Variants in IQCM observed in about 807,000 individuals in gnomAD.
IQCM encodes the protein IQ motif containing M.
IQCM carries 45 observed loss-of-function variants against 57.6 expected under a neutral mutation model. That is an observed-to-expected ratio of 0.78 (90% CI 0.62 to 1.00). IQCM has a LOEUF of 1.00. Among genes scored for constraint, IQCM ranks in the 50% least tolerant of loss-of-function variants. The probability of loss-of-function intolerance (pLI) is 0.00; values close to 1 mark genes in which losing one functional copy is unlikely to be tolerated. For synonymous variants in IQCM, 148 were observed against 158.9 expected, an observed-to-expected ratio of 0.93 and a Z score of 0.51; for missense variants, 468 against 511.6, an observed-to-expected ratio of 0.91 and a Z score of 0.82.
At chr4:149,509,347 A>G (rs1266139709) in intron 12 of IQCM, among the ~76,000 whole-genome samples, 1 of 151,930 alleles carries the variant, frequency 6.6e-6, no homozygotes, top group Non-Finnish European at 1.5e-5. Context: ...ACACAACCAT[A>G]GCTCACTGCA....
chr4:149,456,842 A>G (rs1193689400), intron 12 of IQCM, among the ~76,000 whole-genome samples: 1 of 152,092 alleles, frequency 6.6e-6, no homozygotes, highest in African/African-American at 2.4e-5. Flanking sequence ...TTGGATTAGA[A>G]TGTCCTGAAC....
At chr4:149,634,073 G>GA (rs767646149) in intron 7 of IQCM, among the ~76,000 whole-genome samples, 1 of 151,936 alleles carries the variant, frequency 6.6e-6, no homozygotes, top group Non-Finnish European at 1.5e-5. Flanking sequence ...GCAGTAGCAT[G>GA]ATCTCGGCTC....
intron 9 of IQCM, among the ~76,000 whole-genome samples, chr4:149,581,662 C>A (rs1752194340): frequency 6.6e-6 from 1 of 151,642 alleles, no homozygotes; most frequent in African/African-American, 2.4e-5. Flanking sequence ...ATGAGTTGAT[C>A]TACAGGGTCT....
chr4:149,707,720 G>A (rs1424122046), intron 5 of IQCM, among the ~76,000 whole-genome samples: 1 of 151,910 alleles, frequency 6.6e-6, no homozygotes, highest in Non-Finnish European at 1.5e-5. Flanking sequence ...TGTACTATAA[G>A]TAATAATGTT....
chr4:149,754,213 C>A (rs919794525), intron 2 of IQCM, among the ~76,000 whole-genome samples: 3 of 152,166 alleles, frequency 2.0e-5, no homozygotes, highest in African/African-American at 7.2e-5. Context: ...CCTTACAGGG[C>A]AGTCCAATAT....
intron 10 of IQCM, 96 bp from the exon 11 acceptor site, chr4:149,553,383 T>G (rs528286284): frequency 2.0e-6 from 2 of 991,232 alleles, no homozygotes; most frequent in East Asian, 6.6e-5. Context: ...GTTTCTAAGA[T>G]TATGGGTGTA....
At chr4:149,540,320 C>T (rs1747725288) in intron 12 of IQCM, among the ~76,000 whole-genome samples, 1 of 149,624 alleles carries the variant, frequency 6.7e-6, no homozygotes, top group Non-Finnish European at 1.5e-5. Flanking sequence ...TTGCAATGAA[C>T]TAACTACCAG....
At chr4:149,529,886 C>T (rs1290310005) in intron 12 of IQCM, among the ~76,000 whole-genome samples, 2 of 152,134 alleles carry the variant, frequency 1.3e-5, no homozygotes, top group Non-Finnish European at 2.9e-5. Context: ...CAATAAAATC[C>T]AAAGTATTTA....
chr4:149,670,946 T>TC (rs944533662), intron 7 of IQCM, among the ~76,000 whole-genome samples: 1 of 151,822 alleles, frequency 6.6e-6, no homozygotes, highest in African/African-American at 2.4e-5. Context: ...CTCTCTTTTT[T>TC]TTTTTTTTGT....
At chr4:149,664,857 A>G (rs1252887739) in intron 7 of IQCM, among the ~76,000 whole-genome samples, 1 of 152,134 alleles carries the variant, frequency 6.6e-6, no homozygotes, top group Non-Finnish European at 1.5e-5. Context: ...AGCTGGACAT[A>G]GGCATACACA....
intron 7 of IQCM, among the ~76,000 whole-genome samples, chr4:149,633,188 A>AAAAAAAAAAAAAC: frequency 6.6e-6 from 1 of 150,404 alleles, no homozygotes; most frequent in African/African-American, 2.4e-5. Context: ...AAAAAAAAAA[A>AAAAAAAAAAAAAC]AAAAGCAAAT....
At chr4:149,690,718 AAGGATACCG>A (rs1317470971) in intron 5 of IQCM, 1 of 152,116 alleles carries the variant, frequency 6.6e-6, no homozygotes, top group Non-Finnish European at 1.5e-5. Flanking sequence ...CCAGTTCCCC[AAGGATACCG>A]AGCAAAGGCT....
At chr4:149,758,277 T>C (rs1029829122) in intron 2 of IQCM, among the ~76,000 whole-genome samples, 13 of 152,138 alleles carry the variant, frequency 8.5e-5, no homozygotes, top group African/African-American at 2.9e-4. Context: ...GACATCCAGA[T>C]GCAAAAACAA....
At position 149,652,896 on chromosome 4, in the gene IQCM, A is replaced by G. The variant is rs1759318509; in HGVS notation, c.565+29222T>C. Among the ~76,000 whole-genome samples, 2 of 152,222 alleles carry G rather than the reference A, an allele frequency of 1.3e-5. 1 individual carries two copies. Among genetic ancestry groups the G allele is most frequent in the South Asian group, 4.1e-4 (2 of 4,832 alleles). On this transcript the variant is annotated intron_variant, in intron 7 of 13. Coordinates refer to ENST00000636793, the MANE Select transcript of IQCM (RefSeq NM_001363507.2). ...ACATATCTTATCTCAGAGGAAAAGA[A>G]TTGCCACAGTAGGATGCTCACCAAA...
At chr4:149,575,341 G>A (rs558432249) in intron 9 of IQCM, among the ~76,000 whole-genome samples, 2 of 151,764 alleles carry the variant, frequency 1.3e-5, no homozygotes, top group African/African-American at 4.8e-5. Flanking sequence ...TTCATCTTTT[G>A]TCTCATTATT....
intron 9 of IQCM, among the ~76,000 whole-genome samples, chr4:149,578,651 C>A (rs758278490): frequency 5.3e-5 from 8 of 151,778 alleles, no homozygotes; most frequent in Non-Finnish European, 8.8e-5. Flanking sequence ...GATAAGATTC[C>A]TTATCCCTAG....
Position 149,537,856 on chromosome 4 carries a change from C to T in IQCM, c.1228+10599G>A, listed in dbSNP as rs187734218. Among the ~76,000 whole-genome samples the T allele has an allele frequency of 3.5e-3, 538 of 151,760 alleles. 7 individuals carry two copies. Among genetic ancestry groups the T allele is most frequent in the African/African-American group, 0.012 (480 of 41,474 alleles). On this transcript the variant is annotated intron_variant, in intron 12 of 13. Transcript: ENST00000636793. ...AATAAAAAATTGGCAACCAAGAATT[C>T]TATATCCAGCAAAAATATTCAAGAA...
At chr4:149,641,151 T>C (rs141464007) in intron 7 of IQCM, among the ~76,000 whole-genome samples, 47 of 152,278 alleles carry the variant, frequency 3.1e-4, no homozygotes, top group South Asian at 8.3e-4. Flanking sequence ...CTCATTTTAA[T>C]TGATGCTCAA....
At chr4:149,714,732 T>C (rs1416875696) in intron 5 of IQCM, among the ~76,000 whole-genome samples, 1 of 152,200 alleles carries the variant, frequency 6.6e-6, no homozygotes, top group Non-Finnish European at 1.5e-5. Flanking sequence ...TCGCTACTCT[T>C]GCATTTTGGG....
Sources: gnomAD v4.1 joint callset for allele counts (sites outside exome capture counted in the v4.1 genomes callset) on GRCh38, gnomAD v4.1.1 for gene constraint, MANE v1.5 for transcripts, NCBI Gene and HGNC (gene_info 2026-07-23, HGNC 2026-07-21) for gene names.